The following DCC variants were observed in gnomAD, a reference collection of about 807,000 sequenced individuals.
DCC encodes netrin receptor DCC.
Under a neutral mutation model 172.5 loss-of-function variants are expected in DCC, and 58 were observed. The observed-to-expected ratio is 0.34, with a 90% CI of 0.27 to 0.42. The LOEUF is 0.42. Among genes scored for constraint, DCC ranks in the 10% least tolerant of loss-of-function variants. DCC has a pLI of 1.00. For missense variants in DCC, 1,740 were observed against 1,791.0 expected, an observed-to-expected ratio of 0.97 and a Z score of 0.51; for synonymous variants, 709 against 644.5, an observed-to-expected ratio of 1.10 and a Z score of -1.52.
At position 53,459,327 on chromosome 18, in the gene DCC, A is replaced by G; in HGVS notation, c.3488A>G (p.Lys1163Arg). 1.2e-6 allele frequency: 2 copies of G among 1,614,064 alleles called. No individual in the cohort carries two copies. Among genetic ancestry groups the G allele is most frequent in the South Asian group, 2.2e-5 (2 of 91,078 alleles). ...ATCCATCATGAAGAAATGGAGATGA[A>G]AAATATTGAAAAGCCATCTGGCACT... ...LWIHHEEMEM[K>R]NIEKPSGTDP... The change falls in exon 24 of 29, where the codon AAA becomes AGA. Residue 1163 changes from lysine to arginine, a missense_variant. Around this residue, in one of 2 missense-constraint regions of DCC, gnomAD observed 1,732 missense variants for 1,767.4 expected, o/e 0.98. Coordinates refer to ENST00000442544, the MANE Select transcript of DCC (RefSeq NM_005215.4).
At chr18:52,823,634 C>T (rs905955018) in intron 2 of DCC, among the ~76,000 whole-genome samples, 2 of 151,850 alleles carry the variant, frequency 1.3e-5, no homozygotes, top group Non-Finnish European at 2.9e-5. Context: ...TGGACAAGGA[C>T]AAAATAAAAA....
At chr18:52,621,647 A>G (rs555679700) in intron 1 of DCC, among the ~76,000 whole-genome samples, 2 of 152,318 alleles carry the variant, frequency 1.3e-5, no homozygotes, top group Admixed American at 6.5e-5. Context: ...GGGAGAAAGG[A>G]CACTCACTGT....
At chr18:53,038,149 C>T (rs2042120844) in intron 5 of DCC, among the ~76,000 whole-genome samples, 1 of 151,916 alleles carries the variant, frequency 6.6e-6, no homozygotes, top group Non-Finnish European at 1.5e-5. Flanking sequence ...ATTTATAAGA[C>T]ATTAAGCTAG....
intron 2 of DCC, among the ~76,000 whole-genome samples, chr18:52,784,909 GGA>G (rs201862478): frequency 1.4e-5 from 2 of 143,846 alleles, no homozygotes; most frequent in East Asian, 2.2e-4. Flanking sequence ...AGGTGGAGGG[GGA>G]GAGAGAGAGA....
At chr18:52,647,374 A>C (rs970391855) in intron 1 of DCC, among the ~76,000 whole-genome samples, 50 of 152,196 alleles carry the variant, frequency 3.3e-4, no homozygotes, top group Admixed American at 3.9e-4. Context: ...TTCTATTCAA[A>C]AACTACAGTA....
intron 12 of DCC, among the ~76,000 whole-genome samples, chr18:53,270,671 C>T (rs2056738545): frequency 1.3e-5 from 2 of 152,044 alleles, no homozygotes; most frequent in African/African-American, 2.4e-5. Context: ...ATGTAATTAG[C>T]CCCTCGATAC....
At chr18:53,526,144 G>A (rs998826482) in intron 27 of DCC, among the ~76,000 whole-genome samples, 7 of 152,014 alleles carry the variant, frequency 4.6e-5, no homozygotes, top group Non-Finnish European at 7.4e-5. Flanking sequence ...TAGCCATGAT[G>A]GATTTTATTT....
At chr18:52,601,255 T>C (rs377124811) in intron 1 of DCC, among the ~76,000 whole-genome samples, 45 of 152,210 alleles carry the variant, frequency 3.0e-4, no homozygotes, top group African/African-American at 1.0e-3. Flanking sequence ...CAATCTATTA[T>C]ACATGTGTCT....
intron 1 of DCC, among the ~76,000 whole-genome samples, chr18:52,350,299 T>C (rs1376627842): frequency 1.3e-5 from 2 of 152,230 alleles, no homozygotes; most frequent in Non-Finnish European, 2.9e-5. Flanking sequence ...GTTCTTCATG[T>C]GGTTTTTGTC....
intron 1 of DCC, among the ~76,000 whole-genome samples, chr18:52,615,307 T>C (rs979167214): frequency 6.6e-6 from 1 of 152,144 alleles, no homozygotes; most frequent in African/African-American, 2.4e-5. Flanking sequence ...ATCACATCCT[T>C]TGAGTGCTCT....
At chr18:52,526,644 G>T (rs2031989439) in intron 1 of DCC, among the ~76,000 whole-genome samples, 1 of 152,120 alleles carries the variant, frequency 6.6e-6, no homozygotes, top group Non-Finnish European at 1.5e-5. Context: ...AGAATTCAAT[G>T]AGGTAATTTG....
intron 12 of DCC, among the ~76,000 whole-genome samples, chr18:53,231,541 A>G (rs967357979): frequency 1.3e-5 from 2 of 152,126 alleles, no homozygotes; most frequent in African/African-American, 4.8e-5. Context: ...GATTGTGACC[A>G]ATGATATAAT....
rs58112743 is a variant in DCC at position 52,515,606 on chromosome 18, C to CAAAAAAAAAAAAAAAAAAAAAAAA, written c.91+174748_91+174749insAAAAAAAAAAAAAAAAAAAAAAAA. ...TGGGCGACAGAGCGAAACCCTGTCT[C>CAAAAAAAAAAAAAAAAAAAAAAAA]AAAAAAAAAAAAAAAAAAAATCATA... On this transcript the variant is annotated intron_variant, in intron 1 of 28. Transcript: ENST00000442544. 2.1e-3 allele frequency among the ~76,000 whole-genome samples: 22 copies of CAAAAAAAAAAAAAAAAAAAAAAAA among 10,322 alleles called. 4 individuals carry two copies. Among genetic ancestry groups the CAAAAAAAAAAAAAAAAAAAAAAAA allele is most frequent in the Non-Finnish European group, 3.5e-3 (14 of 3,986 alleles). 6.8% of individuals were successfully genotyped at this position (10,322 alleles called of 152,430 possible). A position where few individuals can be genotyped will look rare whatever the true frequency, so the allele number is the denominator to read the frequency against.
chr18:52,961,173 G>C (rs1040823426), intron 5 of DCC, among the ~76,000 whole-genome samples: 1 of 152,108 alleles, frequency 6.6e-6, no homozygotes, highest in Admixed American at 6.5e-5. Flanking sequence ...GATAGCATTA[G>C]GAGATATACC....
At chr18:53,344,440 CTT>C (rs71175582) in intron 15 of DCC, among the ~76,000 whole-genome samples, 162 of 97,048 alleles carry the variant, frequency 1.7e-3, no homozygotes, top group African/African-American at 5.8e-3. Flanking sequence ...TTTCGTTTTT[CTT>C]TTTTTTTTTT....
chr18:52,725,726 G>T (rs1309879783), intron 1 of DCC, among the ~76,000 whole-genome samples: 1 of 152,122 alleles, frequency 6.6e-6, no homozygotes, highest in Admixed American at 6.6e-5. Context: ...GACTAAGATG[G>T]CATAGCCAAT....
intron 3 of DCC, among the ~76,000 whole-genome samples, chr18:52,915,142 T>A: frequency 6.6e-6 from 1 of 152,194 alleles, no homozygotes; most frequent in East Asian, 1.9e-4. Flanking sequence ...TTTCTCTGTG[T>A]CTCAGTTATT....
chr18:52,515,606 C>CAAAAAAAAAAAAAAAAAAAAAAAAAA lies in DCC; in HGVS notation c.91+174748_91+174749insAAAAAAAAAAAAAAAAAAAAAAAAAA, dbSNP rs58112743. Among the ~76,000 whole-genome samples the CAAAAAAAAAAAAAAAAAAAAAAAAAA allele has an allele frequency of 1.5e-3, 16 of 10,328 alleles. 1 individual carries two copies. The highest frequency in any genetic ancestry group is 4.5e-3 in the South Asian group (1 of 220). 6.8% of individuals were successfully genotyped at this position (10,328 alleles called of 152,430 possible). ...TGGGCGACAGAGCGAAACCCTGTCT[C>CAAAAAAAAAAAAAAAAAAAAAAAAAA]AAAAAAAAAAAAAAAAAAAATCATA... On this transcript the variant is annotated intron_variant, in intron 1 of 28. Transcript: ENST00000442544.
At chr18:53,294,857 A>G (rs2144757301) in intron 12 of DCC, among the ~76,000 whole-genome samples, 1 of 152,324 alleles carries the variant, frequency 6.6e-6, no homozygotes, top group East Asian at 1.9e-4. Context: ...TTCCACTGGC[A>G]CTTTTACGAG....
Sources: gnomAD v4.1 joint callset for allele counts (sites outside exome capture counted in the v4.1 genomes callset) on GRCh38, gnomAD v4.1.1 for gene constraint, gnomAD v4.1.1 regional missense constraint, MANE v1.5 for transcripts, NCBI Gene and HGNC (gene_info 2026-07-23, HGNC 2026-07-21) for gene names.